Variants in OLA1 observed in about 807,000 individuals in gnomAD.
The protein encoded by OLA1 is obg-like ATPase 1.
In OLA1, 14 loss-of-function variants were observed where a neutral mutation model predicts 48.4. That is an observed-to-expected ratio of 0.29 (90% CI 0.19 to 0.45). OLA1 has a LOEUF of 0.45. OLA1 is among the 20% of genes least tolerant of loss of function. The pLI, the probability that OLA1 is intolerant of heterozygous loss-of-function variation, is 1.00. For missense variants in OLA1, 325 were observed against 467.1 expected (o/e 0.70, Z 2.80); for synonymous variants, 127 against 150.4 (o/e 0.84, Z 1.14).
chr2:174,114,046 C>T (rs1170992995), intron 7 of OLA1, among the ~76,000 whole-genome samples: 1 of 151,440 alleles, frequency 6.6e-6, no homozygotes, highest in Non-Finnish European at 1.5e-5. Context: ...AAAGCTAAAT[C>T]GGCCGGGCGC....
chr2:174,186,947 A>G (rs1687669580), intron 4 of OLA1, among the ~76,000 whole-genome samples: 1 of 152,164 alleles, frequency 6.6e-6, no homozygotes, highest in Admixed American at 6.5e-5. Context: ...AAGTTAATGA[A>G]AAACAGAAAA....
chr2:174,210,216 C>G (rs977085334), intron 4 of OLA1, among the ~76,000 whole-genome samples: 1 of 151,984 alleles, frequency 6.6e-6, no homozygotes, highest in Non-Finnish European at 1.5e-5. Context: ...TTACTGAAAA[C>G]GAATACTGTA....
intron 4 of OLA1, among the ~76,000 whole-genome samples, chr2:174,180,714 C>A (rs561857126): frequency 2.0e-5 from 3 of 152,174 alleles, no homozygotes; most frequent in Non-Finnish European, 4.4e-5. Flanking sequence ...TATGAAAATA[C>A]AAGTTACACT....
intron 2 of OLA1, among the ~76,000 whole-genome samples, chr2:174,231,122 C>T (rs1688720210): frequency 6.6e-6 from 1 of 152,146 alleles, no homozygotes; most frequent in African/African-American, 2.4e-5. Context: ...CTACAAAAGC[C>T]TACTCAAGTA....
intron 4 of OLA1, among the ~76,000 whole-genome samples, chr2:174,146,881 A>T (rs891999038): frequency 1.3e-5 from 2 of 152,170 alleles, no homozygotes; most frequent in African/African-American, 2.4e-5. Context: ...AAACCCTAAG[A>T]TTTCCTACAG....
chr2:174,108,376 C>T (rs978839551), intron 7 of OLA1, among the ~76,000 whole-genome samples: 2 of 152,068 alleles, frequency 1.3e-5, no homozygotes, highest in African/African-American at 4.8e-5. Flanking sequence ...CATGAATTGT[C>T]TAAAAACCTT....
chr2:174,146,716 G>A (rs72920559), intron 4 of OLA1, among the ~76,000 whole-genome samples: 1 of 151,960 alleles, frequency 6.6e-6, no homozygotes, highest in Non-Finnish European at 1.5e-5. Flanking sequence ...CAAGAAGGAA[G>A]GTGTATTCAA....
chr2:174,125,435 C>A (rs1160856187), intron 5 of OLA1, among the ~76,000 whole-genome samples: 2 of 151,928 alleles, frequency 1.3e-5, no homozygotes, highest in Middle Eastern at 3.2e-3. Flanking sequence ...AGACACGCAA[C>A]AAGATTATAC....
intron 4 of OLA1, among the ~76,000 whole-genome samples, chr2:174,147,819 T>C (rs1043724375): frequency 3.4e-5 from 5 of 148,882 alleles, no homozygotes; most frequent in South Asian, 2.1e-4. Context: ...TTTTATTGTT[T>C]GTTTGTTTAT....
intron 4 of OLA1, among the ~76,000 whole-genome samples, chr2:174,205,055 T>G (rs1688077993): frequency 6.6e-6 from 1 of 152,218 alleles, no homozygotes; most frequent in Admixed American, 6.5e-5. Context: ...GGTGTTAAAG[T>G]GTTAAGATTG....
At chr2:174,107,130 T>G (rs1685531234) in intron 7 of OLA1, among the ~76,000 whole-genome samples, 2 of 152,160 alleles carry the variant, frequency 1.3e-5, no homozygotes, top group African/African-American at 4.8e-5. Context: ...AGCTCCAGTT[T>G]AGAATGTGAA....
chr2:174,197,741 C>T (rs1270154153), intron 4 of OLA1, among the ~76,000 whole-genome samples: 1 of 152,112 alleles, frequency 6.6e-6, no homozygotes, highest in East Asian at 1.9e-4. Context: ...AATAAATAGG[C>T]AAATGTGATC....
chr2:174,166,761 C>T (rs1373349011), intron 4 of OLA1, among the ~76,000 whole-genome samples: 1 of 152,046 alleles, frequency 6.6e-6, no homozygotes, highest in Non-Finnish European at 1.5e-5. Flanking sequence ...AGTATGGGGG[C>T]ACAAAAATGC....
chr2:174,106,016 T>TTGA (rs1685508096), intron 7 of OLA1, among the ~76,000 whole-genome samples: 1 of 36,350 alleles, frequency 2.8e-5, no homozygotes, highest in East Asian at 0.042. Flanking sequence ...TAACCAATAC[T>TTGA]TGTTGAAAAT....
intron 5 of OLA1, among the ~76,000 whole-genome samples, chr2:174,138,861 C>T (rs533366208): frequency 1.0e-3 from 153 of 152,254 alleles, no homozygotes; most frequent in South Asian, 3.1e-3. Context: ...ATTTTTTACT[C>T]AGATGTTTTC....
intron 5 of OLA1, among the ~76,000 whole-genome samples, chr2:174,123,965 C>T (rs1307051818): frequency 1.3e-5 from 2 of 152,036 alleles, no homozygotes; most frequent in Non-Finnish European, 2.9e-5. Flanking sequence ...GAGTTACTAC[C>T]ATTTCAATAT....
chr2:174,110,302 A>ATT lies in OLA1; in HGVS notation c.728+12876_728+12877dup, dbSNP rs575026912. Among the ~76,000 whole-genome samples the ATT allele has an allele frequency of 5.1e-3, 579 of 113,850 alleles. 3 individuals are homozygous for ATT. The highest frequency in any genetic ancestry group is 0.014 in the African/African-American group (410 of 29,482). The allele number at this position is 113,850 out of a possible 152,430, so 74.7% of individuals were successfully genotyped here. A position where few individuals can be genotyped will look rare whatever the true frequency, so the allele number is the denominator to read the frequency against. On this transcript the variant is annotated intron_variant, in intron 7 of 10. Transcript: ENST00000284719. The stretch of plus-strand genomic sequence containing the variant: ...TACAGGCATGTGCCACCATGCTTGG[A>ATT]TTTTTTTTTTTTTTTTTTTTTGTAT...
At chr2:174,148,260 C>T (rs905274756) in intron 4 of OLA1, among the ~76,000 whole-genome samples, 6 of 152,020 alleles carry the variant, frequency 3.9e-5, no homozygotes, top group African/African-American at 4.8e-5. Context: ...TGGTGGCATG[C>T]GCCTGTGGTC....
At chr2:174,136,504 T>C (rs1686312558) in intron 5 of OLA1, among the ~76,000 whole-genome samples, 1 of 152,148 alleles carries the variant, frequency 6.6e-6, no homozygotes, top group Non-Finnish European at 1.5e-5. Flanking sequence ...CATCATGTCT[T>C]CAGGTTCCAC....
Sources: allele counts gnomAD v4.1 joint callset (sites outside exome capture counted in the v4.1 genomes callset), GRCh38; gene constraint gnomAD v4.1.1; transcripts MANE v1.5; gene names NCBI Gene and HGNC (gene_info 2026-07-23, HGNC 2026-07-21).